Variants in GRIP1 observed in about 807,000 individuals in gnomAD.
GRIP1 encodes the protein glutamate receptor interacting protein 1, also known as glutamate receptor-interacting protein 1.
In GRIP1, 45 loss-of-function variants were observed where a neutral mutation model predicts 129.9. The observed-to-expected ratio is 0.35, with a 90% CI of 0.27 to 0.44. The LOEUF (loss-of-function observed/expected upper bound fraction) is 0.44. GRIP1 is among the 20% of genes least tolerant of loss of function. The pLI is 1.00. For missense variants in GRIP1, 1,196 were observed against 1,396.8 expected, an observed-to-expected ratio of 0.86 and a Z score of 2.29; for synonymous variants, 530 against 520.8, an observed-to-expected ratio of 1.02 and a Z score of -0.24.
intron 22 of GRIP1, among the ~76,000 whole-genome samples, chr12:66,374,503 T>C (rs985152082): frequency 3.9e-5 from 6 of 152,194 alleles, no homozygotes; most frequent in Admixed American, 6.5e-5. Flanking sequence ...CTATGTTTAA[T>C]CTAGTGTATC....
chr12:66,372,028 C>G, intron 22 of GRIP1, 101 bp from the exon 23 acceptor site: 1 of 792,838 alleles, frequency 1.3e-6, no homozygotes, highest in South Asian at 1.4e-5. Context: ...GGTAAAAATA[C>G]AGTCTCTTCA....
At chr12:66,662,099 A>G (rs552842238) in intron 1 of GRIP1, among the ~76,000 whole-genome samples, 2 of 152,298 alleles carry the variant, frequency 1.3e-5, no homozygotes, top group Non-Finnish European at 2.9e-5. Flanking sequence ...AAGAATTAAG[A>G]AAACAATCAA....
At chr12:67,061,692 T>C (rs1365006407) in intron 1 of GRIP1, among the ~76,000 whole-genome samples, 1 of 152,200 alleles carries the variant, frequency 6.6e-6, no homozygotes, top group Non-Finnish European at 1.5e-5. Context: ...AGAATAATTA[T>C]TTTTCCTTTA....
chr12:66,478,013 C>T (rs906138788), intron 7 of GRIP1, among the ~76,000 whole-genome samples: 1 of 152,232 alleles, frequency 6.6e-6, no homozygotes, highest in East Asian at 1.9e-4. Flanking sequence ...GCAACAAAAG[C>T]CAAAATTGAC....
At chr12:66,809,311 C>T (rs957829677) in intron 1 of GRIP1, among the ~76,000 whole-genome samples, 1 of 152,258 alleles carries the variant, frequency 6.6e-6, no homozygotes, top group East Asian at 1.9e-4. Flanking sequence ...CCCTTCAATG[C>T]ATAATTAAAT....
chr12:66,531,586 T>C (rs1250936360), intron 4 of GRIP1, among the ~76,000 whole-genome samples: 1 of 152,042 alleles, frequency 6.6e-6, no homozygotes, highest in Non-Finnish European at 1.5e-5. Context: ...AGTTCAAAAA[T>C]GTTTTGGTAT....
chr12:67,021,249 T>C (rs761784212), intron 1 of GRIP1, among the ~76,000 whole-genome samples: 68 of 152,310 alleles, frequency 4.5e-4, no homozygotes, highest in Middle Eastern at 6.8e-3. Flanking sequence ...TATTTACTTT[T>C]TGTTGGTCTC....
chr12:67,020,953 C>G (rs190801578), intron 1 of GRIP1, among the ~76,000 whole-genome samples: 14 of 151,842 alleles, frequency 9.2e-5, no homozygotes, highest in Non-Finnish European at 1.0e-4. Flanking sequence ...AAAAATTTAG[C>G]CAGGCATGGT....
intron 14 of GRIP1, among the ~76,000 whole-genome samples, chr12:66,425,262 A>G (rs1592835450): frequency 3.3e-5 from 5 of 152,228 alleles, no homozygotes; most frequent in South Asian, 2.1e-4. Context: ...GCAAATCAAA[A>G]CCACAATGAG....
intron 1 of GRIP1, among the ~76,000 whole-genome samples, chr12:66,746,580 C>T (rs919387316): frequency 6.6e-6 from 1 of 152,152 alleles, no homozygotes. Context: ...CTTTCTCCAC[C>T]TTTGGTACCC....
At chr12:66,568,881 T>C (rs535056071) in intron 2 of GRIP1, 60 of 495,652 alleles carry the variant, frequency 1.2e-4, no homozygotes, top group South Asian at 8.6e-4. Context: ...CTCTGTCTTA[T>C]GCAGTTGAGT....
intron 7 of GRIP1, among the ~76,000 whole-genome samples, chr12:66,496,132 A>G (rs1398918819): frequency 6.6e-6 from 1 of 152,098 alleles, no homozygotes; most frequent in Non-Finnish European, 1.5e-5. Flanking sequence ...TGCCAGAAGG[A>G]AAGTCTCCAG....
intron 1 of GRIP1, among the ~76,000 whole-genome samples, chr12:66,606,480 C>A (rs73325139): frequency 0.014 from 2,124 of 152,142 alleles, 57 homozygotes; most frequent in African/African-American, 0.049. Context: ...CAACCAGAAG[C>A]CTTTTTAATG....
upstream of GRIP1, among the ~76,000 whole-genome samples, chr12:66,805,747 G>A (rs2038977275): frequency 6.6e-6 from 1 of 151,960 alleles, no homozygotes. Context: ...AATTTACTTA[G>A]AAAGGCAAAT....
In GRIP1 at chr12:66,547,274, C is replaced by G. The variant is rs553786112; in HGVS notation, c.137-5324G>C. On this transcript the variant is annotated intron_variant, in intron 2 of 24. Coordinates refer to ENST00000359742, the MANE Select transcript of GRIP1 (RefSeq NM_001366722.1). ...GCTAAAATAAAAATTAGTGACAACA[C>G]CAAATGCTGGTGAGGATGCAGAAAA... Among the ~76,000 whole-genome samples, 97 of 116,094 alleles carry G rather than the reference C, an allele frequency of 8.4e-4. 3 individuals carry two copies. In the South Asian group the frequency reaches 0.031, roughly 37 times the overall value. The allele number at this position is 116,094 out of a possible 152,430, so 76.2% of individuals were successfully genotyped here.
At chr12:67,015,946 G>C (rs2042779823) in intron 1 of GRIP1, among the ~76,000 whole-genome samples, 1 of 152,174 alleles carries the variant, frequency 6.6e-6, no homozygotes, top group African/African-American at 2.4e-5. Context: ...CCCACCTCCA[G>C]CACCATCACT....
chr12:66,845,896 A>G (rs2039805589), intron 1 of GRIP1, among the ~76,000 whole-genome samples: 1 of 152,164 alleles, frequency 6.6e-6, no homozygotes, highest in Non-Finnish European at 1.5e-5. Context: ...GGGTGGAATA[A>G]TTTGGTGTCT....
In GRIP1 at chr12:66,456,270, T is replaced by C. The variant is rs777164145; in HGVS notation, c.1115A>G (p.Asn372Ser). The C allele has an allele frequency of 3.4e-5, 44 of 1,289,464 alleles. No individual in the cohort carries two copies. The highest frequency in any genetic ancestry group is 2.1e-4 in the Middle Eastern group (1 of 4,716). 79.9% of individuals were successfully genotyped at this position (1,289,464 alleles called of 1,614,324 possible). ...AGGGTGGTACGTGTTATAGTGATGG[T>C]TGGTGTGAAGGCTGCTGTGGTTGCT... ...WASNHSSLHT[N>S]HHYNTYHPDH... The change falls in exon 10 of 25, where the codon AAC becomes AGC. Residue 372 changes from asparagine (N) to serine (S), a missense_variant. Asn to Ser is a conservative substitution (Grantham distance 46). Around this residue, in one of 5 missense-constraint regions of GRIP1, gnomAD observed 508 missense variants for 587.0 expected, o/e 0.87. Transcript: ENST00000359742.
rs118151238 is a variant in GRIP1, at chr12:66,671,165, C to A, written c.55+7685G>T. Among the ~76,000 whole-genome samples the A allele has an allele frequency of 4.1e-4, 62 of 152,178 alleles. No homozygotes were observed. In the East Asian group the frequency reaches 0.011, roughly 26 times the overall value. On this transcript the variant is annotated intron_variant, in intron 1 of 24. Transcript: ENST00000359742. ...CAATGGAGAGAAAAATTTAGAAACC[C>A]CTGAATTGGGTGCTCATAAAAATAG...
Sources: allele counts gnomAD v4.1 joint callset (sites outside exome capture counted in the v4.1 genomes callset), GRCh38; gene constraint gnomAD v4.1.1; regional missense constraint gnomAD v4.1.1; transcripts MANE v1.5; gene names NCBI Gene and HGNC (gene_info 2026-07-23, HGNC 2026-07-21).